Variants in TTC39A observed in about 807,000 individuals in gnomAD.
TTC39A encodes the protein tetratricopeptide repeat protein 39A.
TTC39A carries 46 observed loss-of-function variants against 82.3 expected under a neutral mutation model. The observed-to-expected ratio is 0.56, with a 90% CI of 0.44 to 0.71. The LOEUF (loss-of-function observed/expected upper bound fraction) is 0.71. TTC39A is among the 30% of genes least tolerant of loss of function. The pLI is 0.00. For synonymous variants in TTC39A, 254 were observed against 275.2 expected (o/e 0.92, Z 0.76); for missense variants, 543 against 712.9 (o/e 0.76, Z 2.71).
intron 5 of TTC39A, among the ~76,000 whole-genome samples, chr1:51,310,573 C>A (rs75204777): frequency 0.032 from 4,849 of 152,302 alleles, 131 homozygotes; most frequent in Non-Finnish European, 0.049. Context: ...ATGTCCCTCT[C>A]CTGCTAAATA....
Position 51,330,380 on chromosome 1 carries a change from TGCCCGGGCCCCAGCCCGCGCC to T in TTC39A, c.41+36_41+56del. The T allele has an allele frequency of 1.0e-5, 10 of 955,306 alleles. No individual in the cohort carries two copies. Among genetic ancestry groups the T allele is most frequent in the Non-Finnish European group, 1.2e-5 (10 of 805,918 alleles). 59.2% of individuals were successfully genotyped at this position (955,306 alleles called of 1,614,324 possible). A position where few individuals can be genotyped will look rare whatever the true frequency, so the allele number is the denominator to read the frequency against. ...GAGGCCTGGCGCGGCGCCCGCCACC[TGCCCGGGCCCCAGCCCGCGCC>T]GCCCGCGCCCCCGGGCCTCCCAGCC... On this transcript the variant is annotated intron_variant, in intron 1 of 17. Transcript: ENST00000680483. The surrounding 1 kb of genome is among the most constrained non-coding windows in gnomAD (Gnocchi z 4.5).
intron 1 of TTC39A, chr1:51,322,143 T>C: frequency 6.4e-7 from 1 of 1,551,826 alleles, no homozygotes; most frequent in Non-Finnish European, 8.7e-7. Context: ...AGGGAGTCTT[T>C]GTGGCCCTTC....
At chr1:51,313,084 A>G (rs578192790) in intron 2 of TTC39A, 141 bp from the exon 3 acceptor site, 1 of 1,140,876 alleles carries the variant, frequency 8.8e-7, no homozygotes, top group Non-Finnish European at 1.2e-6. Context: ...GGCCTTGGCC[A>G]GGTCTAATCT....
chr1:51,313,086 G>C (rs1184226888), intron 2 of TTC39A, 143 bp from the exon 3 acceptor site: 2 of 1,122,128 alleles, frequency 1.8e-6, no homozygotes, highest in Admixed American at 2.3e-5. Flanking sequence ...CCTTGGCCAG[G>C]TCTAATCTGC....
At position 51,309,331 on chromosome 1, in the gene TTC39A, G is replaced by A; in HGVS notation, c.424-6C>T. ...AAGCTCACCATGTTCTCGTCCTGCA[G>A]GAGGAAAAGATGCTGACGGCCTGGC... is the stretch of plus-strand genomic sequence containing the variant. On this transcript the variant is annotated splice_polypyrimidine_tract_variant and splice_region_variant and intron_variant, in intron 5 of 17. Transcript: ENST00000680483. 1 of 1,613,126 alleles carries A rather than the reference G, an allele frequency of 6.2e-7. No individual in the cohort carries two copies.
chr1:51,334,195 C>CAAA (rs763569273), upstream of TTC39A, among the ~76,000 whole-genome samples: 4 of 38,024 alleles, frequency 1.1e-4, no homozygotes, highest in Admixed American at 2.6e-4. Flanking sequence ...CCTGTCTCTA[C>CAAA]AAAAAAAAAA....
At position 51,311,309 on chromosome 1, in the gene TTC39A, G is replaced by C; in HGVS notation, c.368C>G (p.Ala123Gly). Residue 123 changes from alanine (A) to glycine (G), a missense_variant, in exon 5 of 18, where the codon GCT (alanine) becomes GGT (glycine). By Grantham distance (60) the Ala-to-Gly change is moderately conservative. Coordinates refer to ENST00000680483, the MANE Select transcript of TTC39A (RefSeq NM_001297663.2). Reference sequence around the variant, plus strand: ...CAGGCACTCTGCATAGCAGACCTCAGCGTGGATTTCCTCTGTGGGGAGAAA... The same window carrying C: ...CAGGCACTCTGCATAGCAGACCTCACCGTGGATTTCCTCTGTGGGGAGAAA... ...LGQFTEEEIHAEVCYAECLLQ... is the reference protein window; with the variant it reads ...LGQFTEEEIHGEVCYAECLLQ... 1 of 1,581,030 alleles carries C rather than the reference G, an allele frequency of 6.3e-7. No homozygotes were observed. The highest frequency in any genetic ancestry group is 8.6e-7 in the Non-Finnish European group (1 of 1,163,824).
chr1:51,294,264 A>C lies in TTC39A; in HGVS notation c.1266+127T>G. On this transcript the variant is annotated intron_variant, in intron 14 of 17. Coordinates refer to ENST00000680483, the MANE Select transcript of TTC39A (RefSeq NM_001297663.2). The surrounding 1 kb of genome is among the most constrained non-coding windows in gnomAD (Gnocchi z 4.3). ...GGGCCAGACTCCCAGGTGAATTGTG[A>C]AACCCTCCCCAGGCCCCTGAGGCAT... 6.8e-7 allele frequency: 1 copy of C among 1,460,854 alleles called. No homozygotes were observed. The highest frequency in any genetic ancestry group is 9.2e-7 in the Non-Finnish European group (1 of 1,091,792). 90.5% of individuals were successfully genotyped at this position (1,460,854 alleles called of 1,614,324 possible).
chr1:51,300,130 G>A (rs1259543637), intron 12 of TTC39A: 1 of 152,216 alleles, frequency 6.6e-6, no homozygotes, highest in African/African-American at 2.4e-5. Flanking sequence ...CCTCAAATCC[G>A]GTGTCTGTCA....
intron 2 of TTC39A, among the ~76,000 whole-genome samples, chr1:51,317,645 G>A (rs1645338478): frequency 6.6e-6 from 1 of 152,210 alleles, no homozygotes; most frequent in African/African-American, 2.4e-5. Flanking sequence ...AGCTACTCAG[G>A]AGGCTGAGGC....
chr1:51,314,983 G>A (rs143187918), intron 2 of TTC39A, among the ~76,000 whole-genome samples: 4 of 152,214 alleles, frequency 2.6e-5, no homozygotes, highest in African/African-American at 9.6e-5. Flanking sequence ...CCTCGAGGAG[G>A]GGCTTCCCTG....
intron 12 of TTC39A, chr1:51,297,900 G>C (rs555597948): frequency 3.3e-5 from 5 of 152,722 alleles, no homozygotes; most frequent in Non-Finnish European, 5.9e-5. Flanking sequence ...CCAGCCACAC[G>C]ACGGCCTCAG....
upstream of TTC39A, among the ~76,000 whole-genome samples, chr1:51,334,127 A>C (rs1645944975): frequency 6.7e-6 from 1 of 150,344 alleles, no homozygotes; most frequent in Admixed American, 6.7e-5. Flanking sequence ...AGGAGGCCAA[A>C]GCAGGTGGAT....
intron 2 of TTC39A, among the ~76,000 whole-genome samples, chr1:51,315,580 C>G (rs1399634731): frequency 6.6e-6 from 1 of 152,186 alleles, no homozygotes; most frequent in African/African-American, 2.4e-5. Context: ...ACTTTCTGGT[C>G]CTTTCAGACC....
chr1:51,332,285 C>T (rs535768153), upstream of TTC39A, among the ~76,000 whole-genome samples: 4 of 152,226 alleles, frequency 2.6e-5, no homozygotes, highest in Non-Finnish European at 5.9e-5. Flanking sequence ...CAAAGTCTCA[C>T]TCTGTTACCC....
At chr1:51,319,734 A>C (rs1222305790) in intron 2 of TTC39A, among the ~76,000 whole-genome samples, 1 of 145,188 alleles carries the variant, frequency 6.9e-6, no homozygotes, top group East Asian at 2.0e-4. Context: ...TCTGTCACCT[A>C]GGCTAGAGTG....
upstream of TTC39A, among the ~76,000 whole-genome samples, chr1:51,334,436 G>A (rs2148317889): frequency 6.6e-6 from 1 of 152,234 alleles, no homozygotes; most frequent in East Asian, 1.9e-4. Flanking sequence ...CCGGGAGGCG[G>A]AGGTTGCGGT....
intron 12 of TTC39A, chr1:51,298,649 C>T (rs1363010014): frequency 1.3e-5 from 2 of 152,450 alleles, no homozygotes; most frequent in African/African-American, 4.8e-5. Flanking sequence ...TGCAAGCCCC[C>T]TGCCCTTCTG....
At chr1:51,330,726 C>T, upstream of TTC39A, 1 of 706,192 alleles carries the variant, frequency 1.4e-6, no homozygotes, top group Non-Finnish European at 1.8e-6. The surrounding 1 kb of genome is among the most constrained non-coding windows in gnomAD (Gnocchi z 4.5). Flanking sequence ...CACCCCCGCT[C>T]CGACAGGTGA....
Sources: allele counts gnomAD v4.1 joint callset (sites outside exome capture counted in the v4.1 genomes callset), GRCh38; gene constraint gnomAD v4.1.1; non-coding constraint Gnocchi (gnomAD v3.1); transcripts MANE v1.5; gene names NCBI Gene and HGNC (gene_info 2026-07-23, HGNC 2026-07-21).